The following COPB2 variants were observed in gnomAD, a reference collection of about 807,000 sequenced individuals.
COPB2 encodes the protein coatomer subunit beta'.
COPB2 carries 16 observed loss-of-function variants against 120.8 expected under a neutral mutation model. The observed-to-expected ratio is 0.13, with a 90% CI of 0.09 to 0.20. COPB2 has a LOEUF of 0.20. COPB2 is among the 10% of genes least tolerant of loss of function. The pLI, the probability that COPB2 is intolerant of heterozygous loss-of-function variation, is 1.00. For synonymous variants in COPB2, 332 were observed against 366.3 expected (o/e 0.91, Z 1.07); for missense variants, 794 against 1,076.5 (o/e 0.74, Z 3.67).
chr3:139,361,396 CTG>C (rs1371161232), intron 16 of COPB2, 101 bp from the exon 17 acceptor site: 11 of 1,202,020 alleles, frequency 9.2e-6, no homozygotes, highest in African/African-American at 3.1e-5. Context: ...ATAAAAAGAG[CTG>C]TGTTTGTTAA....
chr3:139,378,726 T>C (rs1007855700), intron 4 of COPB2, among the ~76,000 whole-genome samples: 1 of 152,216 alleles, frequency 6.6e-6, no homozygotes, highest in Non-Finnish European at 1.5e-5. Flanking sequence ...TTGAACTGAA[T>C]AGGGTCTATG....
In COPB2 at chr3:139,358,747, T is replaced by C. The variant is rs777824269; in HGVS notation, c.2550A>G (p.Gln850=). 2.5e-6 allele frequency: 4 copies of C among 1,607,574 alleles called. No individual in the cohort carries two copies. The highest frequency in any genetic ancestry group is 1.6e-4 in the Middle Eastern group (1 of 6,072). ...KDFQPSRSTA[Q]QELDGKPASP... is the part of the protein sequence containing the mutation. ...TCACATGAAGTGCTCTACTGACCTG[T>C]TGAGCTGTAGATCTTGAGGGCTGAA... The change falls in exon 20 of 22, where the codon CAA becomes CAG. Residue 850 remains glutamine, a synonymous_variant. Transcript: ENST00000333188.
intron 17 of COPB2, among the ~76,000 whole-genome samples, chr3:139,360,503 G>A (rs1478472435): frequency 7.6e-6 from 1 of 131,430 alleles, no homozygotes; most frequent in Non-Finnish European, 1.6e-5. Context: ...GGGCAACAGA[G>A]TGAGATTCCA....
At chr3:139,378,487 T>C (rs7372124) in intron 4 of COPB2, among the ~76,000 whole-genome samples, 57,808 of 152,030 alleles carry the variant, frequency 0.38, 13,739 homozygotes, top group Non-Finnish European at 0.53. Flanking sequence ...GTAATATAAG[T>C]TTGACTAGAT....
intron 12 of COPB2, among the ~76,000 whole-genome samples, chr3:139,368,676 A>C (rs1941567701): frequency 6.6e-6 from 1 of 152,214 alleles, no homozygotes; most frequent in South Asian, 2.1e-4. Flanking sequence ...TTAATACCAC[A>C]GATATACATA....
At chr3:139,384,672 A>G (rs536176931) in intron 1 of COPB2, among the ~76,000 whole-genome samples, 1 of 152,372 alleles carries the variant, frequency 6.6e-6, no homozygotes, top group East Asian at 1.9e-4. Context: ...CACAGAATTT[A>G]AAAGATGCAT....
intron 10 of COPB2, among the ~76,000 whole-genome samples, 167 bp downstream of exon 10, chr3:139,371,556 T>A (rs532451629): frequency 1.1e-4 from 16 of 152,332 alleles, no homozygotes; most frequent in Admixed American, 5.9e-4. Context: ...CTAAGACGGC[T>A]CATGCTATAC....
At chr3:139,382,793 G>A (rs1941838409) in intron 2 of COPB2, 1 of 175,902 alleles carries the variant, frequency 5.7e-6, no homozygotes, top group Non-Finnish European at 1.2e-5. Flanking sequence ...TTACTCAGGT[G>A]AAAGAGAATG....
At chr3:139,382,051 T>C (rs929209850) in intron 2 of COPB2, 1 of 152,222 alleles carries the variant, frequency 6.6e-6, no homozygotes, top group Admixed American at 6.5e-5. Flanking sequence ...ATTTACTATG[T>C]GCCAGGTAAT....
At chr3:139,368,647 C>T (rs569522327) in intron 12 of COPB2, among the ~76,000 whole-genome samples, 57 of 152,176 alleles carry the variant, frequency 3.7e-4, no homozygotes, top group African/African-American at 1.3e-3. Flanking sequence ...TTTTTCTAAT[C>T]ACCTCCCCCA....
intron 15 of COPB2, among the ~76,000 whole-genome samples, chr3:139,363,888 T>C (rs966022766): frequency 6.6e-6 from 1 of 152,182 alleles, no homozygotes; most frequent in Non-Finnish European, 1.5e-5. Flanking sequence ...TCCACTAGCA[T>C]TGATATAGAT....
At chr3:139,387,401 A>G (rs1489072658) in intron 1 of COPB2, among the ~76,000 whole-genome samples, 2 of 152,246 alleles carry the variant, frequency 1.3e-5, no homozygotes, top group Non-Finnish European at 2.9e-5. Flanking sequence ...TAGGATGCTC[A>G]CACTGTATCC....
chr3:139,359,185 T>C lies in COPB2; in HGVS notation c.2304-7A>G, dbSNP rs368207386. 42 of 1,612,934 alleles carry C rather than the reference T, an allele frequency of 2.6e-5. No homozygotes were observed. The African/African-American group carries it at 4.3e-4, about 16-fold the overall frequency. ...TCTCCAGAGTTTCACTACCCTATTA[T>C]AGACATCATGGAACCAAAGAGAGAC... is the stretch of plus-strand genomic sequence containing the variant. On this transcript the variant is annotated splice_region_variant and splice_polypyrimidine_tract_variant and intron_variant, in intron 18 of 21. Transcript: ENST00000333188.
At chr3:139,360,192 T>A (rs1941385583) in intron 17 of COPB2, among the ~76,000 whole-genome samples, 2 of 147,484 alleles carry the variant, frequency 1.4e-5, no homozygotes. Context: ...TATGGGATTG[T>A]AAAAAAAAAA....
At chr3:139,367,304 T>A (rs551743656) in intron 13 of COPB2, among the ~76,000 whole-genome samples, 159 bp from the exon 14 acceptor site, 4 of 152,068 alleles carry the variant, frequency 2.6e-5, no homozygotes, top group African/African-American at 9.6e-5. Context: ...TTTTTTTTTT[T>A]TTTTGAGATG....
chr3:139,364,630 C>G (rs969117924), intron 15 of COPB2, among the ~76,000 whole-genome samples: 10 of 152,170 alleles, frequency 6.6e-5, no homozygotes, highest in African/African-American at 2.4e-4. Context: ...TCAGCAGGAA[C>G]AGTGCCTAGC....
Position 139,373,255 on chromosome 3 carries a change from C to A in COPB2, c.1052G>T (p.Cys351Phe). 2 of 1,614,112 alleles carry A rather than the reference C, an allele frequency of 1.2e-6. No individual in the cohort carries two copies. The highest frequency in any genetic ancestry group is 8.5e-7 in the Non-Finnish European group (1 of 1,179,980). Residue 351 changes from cysteine (C) to phenylalanine (F), a missense_variant, in exon 9 of 22, where the codon TGT becomes TTT. This residue lies in a region of COPB2 where 610 missense variants were observed against 866.7 expected (regional missense o/e 0.70). Transcript: ENST00000333188. ...CTGAATAGTCTGAGGGTATATTTCA[C>A]AACTGCCCATATCCTTTACTGCCAG... The part of the protein sequence containing the change: ...LPLAVKDMGS[C>F]EIYPQTIQHN...
At position 139,378,091 on chromosome 3, in the gene COPB2, G is replaced by C. The variant is rs766156570; in HGVS notation, c.454C>G (p.Pro152Ala). The change falls in exon 5 of 22, where the codon CCC becomes GCC. Residue 152 changes from proline to alanine, a missense_variant. Pro to Ala is a conservative substitution (Grantham distance 27). This residue lies in a region of COPB2 where 610 missense variants were observed against 866.7 expected (regional missense o/e 0.70). Coordinates refer to ENST00000333188, the MANE Select transcript of COPB2 (RefSeq NM_004766.3). Reference sequence around the variant, plus strand: ...CTGGCAAACTGATTGTTATCTTTGGGGTTGATCACAATCTGCATAACATAA... The same window carrying C: ...CTGGCAAACTGATTGTTATCTTTGGCGTTGATCACAATCTGCATAACATAA... The part of the protein sequence containing the change: ...THYVMQIVIN[P>A]KDNNQFASAS... The C allele has an allele frequency of 6.3e-7, 1 of 1,586,408 alleles. No homozygotes were observed. The highest frequency in any genetic ancestry group is 2.2e-5 in the East Asian group (1 of 44,590).
intron 5 of COPB2, among the ~76,000 whole-genome samples, chr3:139,376,092 A>T (rs1344720234): frequency 1.3e-5 from 2 of 152,164 alleles, no homozygotes; most frequent in African/African-American, 4.8e-5. Context: ...TCTACAAAAA[A>T]GTAAAAAGTA....
Sources: allele counts gnomAD v4.1 joint callset (sites outside exome capture counted in the v4.1 genomes callset), GRCh38; gene constraint gnomAD v4.1.1; regional missense constraint gnomAD v4.1.1; transcripts MANE v1.5; gene names NCBI Gene and HGNC (gene_info 2026-07-23, HGNC 2026-07-21).